RMST: variants seen among roughly 807,000 people sequenced by gnomAD.
The protein encoded by RMST is long intergenic non-protein coding RNA 54.
intron 10 of RMST, among the ~76,000 whole-genome samples, chr12:97,520,755 TGGGAA>T (rs1272330869): frequency 6.6e-6 from 1 of 152,154 alleles, no homozygotes; most frequent in African/African-American, 2.4e-5. Flanking sequence ...GCATAAAAAA[TGGGAA>T]CTGCCAATCT....
intron 5 of RMST, among the ~76,000 whole-genome samples, chr12:97,480,263 T>C (rs566417958): frequency 7.9e-5 from 12 of 152,114 alleles, no homozygotes; most frequent in African/African-American, 2.7e-4. Context: ...CTAATTTTTT[T>C]GTATTTTTAG....
chr12:97,503,343 T>C (rs1340358710), intron 10 of RMST, among the ~76,000 whole-genome samples: 1 of 152,154 alleles, frequency 6.6e-6, no homozygotes, highest in Non-Finnish European at 1.5e-5. Context: ...GACGTGAACT[T>C]TGACCACATG....
At chr12:97,559,501 T>TC (rs1267075300) in intron 11 of RMST, among the ~76,000 whole-genome samples, 1 of 151,492 alleles carries the variant, frequency 6.6e-6, no homozygotes, top group African/African-American at 2.4e-5. Flanking sequence ...CCCCCACCCC[T>TC]CCCCTTGGCA....
chr12:97,543,848 G>A (rs1031647254), intron 11 of RMST, among the ~76,000 whole-genome samples: 6 of 151,982 alleles, frequency 3.9e-5, no homozygotes, highest in Non-Finnish European at 8.8e-5. Context: ...TTGAAAATAA[G>A]TCATCTCAGG....
At chr12:97,527,765 T>C (rs536875545) in intron 10 of RMST, among the ~76,000 whole-genome samples, 1 of 152,278 alleles carries the variant, frequency 6.6e-6, no homozygotes, top group South Asian at 2.1e-4. Flanking sequence ...TTATTATTGC[T>C]GTTACTATTT....
At chr12:97,511,992 G>A (rs1879360535) in intron 10 of RMST, among the ~76,000 whole-genome samples, 1 of 152,230 alleles carries the variant, frequency 6.6e-6, no homozygotes, top group Admixed American at 6.5e-5. Context: ...TGAAGCCGCG[G>A]ACCCTCGCAG....
At chr12:97,475,761 T>C (rs1874487030) in intron 5 of RMST, among the ~76,000 whole-genome samples, 3 of 152,108 alleles carry the variant, frequency 2.0e-5, no homozygotes, top group African/African-American at 7.2e-5. Flanking sequence ...TTGTTGATTA[T>C]CTTATTCCAG....
chr12:97,538,281 C>A (rs1882231651), intron 11 of RMST, among the ~76,000 whole-genome samples: 1 of 151,410 alleles, frequency 6.6e-6, no homozygotes, highest in Non-Finnish European at 1.5e-5. Context: ...GATAGCAAAA[C>A]AGTGCTTATT....
At chr12:97,546,058 A>G (rs1333281703) in intron 11 of RMST, among the ~76,000 whole-genome samples, 2 of 152,128 alleles carry the variant, frequency 1.3e-5, no homozygotes, top group East Asian at 3.9e-4. Flanking sequence ...TAAGAGGATG[A>G]CTTAAGTAGA....
chr12:97,529,315 C>A (rs533465709), intron 10 of RMST, among the ~76,000 whole-genome samples: 3 of 152,124 alleles, frequency 2.0e-5, no homozygotes, highest in African/African-American at 7.2e-5. Context: ...CCCTCCATGG[C>A]AGGAGTGTTC....
At chr12:97,489,449 G>GA in intron 5 of RMST, among the ~76,000 whole-genome samples, 1 of 140,136 alleles carries the variant, frequency 7.1e-6, no homozygotes, top group African/African-American at 2.6e-5. Context: ...CCTGTCTCAA[G>GA]AAAAAAAGAA....
At chr12:97,479,771 A>G (rs946045572) in intron 5 of RMST, among the ~76,000 whole-genome samples, 4 of 151,940 alleles carry the variant, frequency 2.6e-5, no homozygotes, top group African/African-American at 4.8e-5. Context: ...TTCATCCACC[A>G]TCATGGTTTG....
chr12:97,485,361 C>A (rs1382294574), intron 5 of RMST, among the ~76,000 whole-genome samples: 1 of 152,222 alleles, frequency 6.6e-6, no homozygotes, highest in East Asian at 1.9e-4. Context: ...TATTTTACTG[C>A]ATTTCCACTC....
chr12:97,482,322 A>C (rs1017270569), intron 5 of RMST, among the ~76,000 whole-genome samples: 1 of 152,122 alleles, frequency 6.6e-6, no homozygotes, highest in Non-Finnish European at 1.5e-5. Flanking sequence ...CAGAGACAAT[A>C]CCTAAAGAGA....
intron 11 of RMST, among the ~76,000 whole-genome samples, chr12:97,559,729 C>T (rs1883984528): frequency 6.6e-6 from 1 of 152,160 alleles, no homozygotes; most frequent in Admixed American, 6.5e-5. Flanking sequence ...CACAGTGTTT[C>T]CTCTTCTGTT....
chr12:97,510,122 T>C (rs573086609), intron 10 of RMST, among the ~76,000 whole-genome samples: 1 of 152,356 alleles, frequency 6.6e-6, no homozygotes, highest in East Asian at 1.9e-4. Flanking sequence ...GAAGCATTTA[T>C]GGAAGACATA....
chr12:97,521,683 G>A (rs1880528930), intron 10 of RMST, among the ~76,000 whole-genome samples: 1 of 152,012 alleles, frequency 6.6e-6, no homozygotes, highest in African/African-American at 2.4e-5. Context: ...CTTCCCATAT[G>A]GAATCTGAGA....
At chr12:97,560,187 A>G (rs563397630) in intron 11 of RMST, among the ~76,000 whole-genome samples, 1 of 152,210 alleles carries the variant, frequency 6.6e-6, no homozygotes, top group African/African-American at 2.4e-5. Flanking sequence ...GAAGAAGATC[A>G]ATCTGACATT....
At chr12:97,540,923 T>C (rs1374121882) in intron 11 of RMST, among the ~76,000 whole-genome samples, 1 of 143,904 alleles carries the variant, frequency 6.9e-6, no homozygotes, top group Admixed American at 7.1e-5. Flanking sequence ...ATTAGATAGA[T>C]AAATAGATAG....
Sources: allele counts gnomAD v4.1 joint callset (sites outside exome capture counted in the v4.1 genomes callset), GRCh38; gene constraint gnomAD v4.1.1; transcripts MANE v1.5; gene names NCBI Gene and HGNC (gene_info 2026-07-23, HGNC 2026-07-21).